The following GTPBP1 variants were observed in gnomAD, a reference collection of about 807,000 sequenced individuals.
GTPBP1 encodes GTP binding protein 1.
GTPBP1 carries 23 observed loss-of-function variants against 62.0 expected under a neutral mutation model. That is an observed-to-expected ratio of 0.37 (90% CI 0.27 to 0.53). The LOEUF (loss-of-function observed/expected upper bound fraction) is 0.53, where lower values mean the gene tolerates loss of function less well. Ranked by LOEUF, GTPBP1 falls within the 20% of genes least tolerant of loss-of-function variation. The probability of loss-of-function intolerance (pLI) is 0.89; values close to 1 mark genes in which losing one functional copy is unlikely to be tolerated. For synonymous variants in GTPBP1, 344 were observed against 364.4 expected, an observed-to-expected ratio of 0.94 and a Z score of 0.64; for missense variants, 640 against 917.3, an observed-to-expected ratio of 0.70 and a Z score of 3.90.
chr22:38,708,862 T>A lies in GTPBP1; in HGVS notation c.210T>A (p.Pro70=), dbSNP rs368031867. 1.9e-5 allele frequency: 30 copies of A among 1,606,176 alleles called. No homozygotes were observed. The highest frequency in any genetic ancestry group is 3.3e-5 in the Admixed American group (2 of 59,998). The part of the protein sequence containing the change: ...DLTSKLVLVS[P]TSEQYDSLLR... ...TTTTCTAGCTGGTTCTAGTGAGCCC[T>A]ACATCAGAGCAGTATGACAGCCTAC... is the stretch of plus-strand genomic sequence containing the variant. The change falls in exon 2 of 12, where the codon CCT becomes CCA. Residue 70 remains proline (P), a synonymous_variant. Transcript: ENST00000216044.
Position 38,726,661 on chromosome 22 carries a change from G to GTT in GTPBP1, c.1401+222_1401+223dup, listed in dbSNP as rs1352232997. 6.6e-6 allele frequency among the ~76,000 whole-genome samples: 1 copy of GTT among 152,172 alleles called. No individual in the cohort carries two copies. The highest frequency in any genetic ancestry group is 1.5e-5 in the Non-Finnish European group (1 of 68,018). On this transcript the variant is annotated intron_variant, in intron 8 of 11. Transcript: ENST00000216044. This position sits in a 1 kb window ranked among gnomAD's most constrained non-coding sequence, Gnocchi z 4.1. ...CGAGGAATGCCTCCTTCTAAGCTCC[G>GTT]TTCCTCCCTCTGGTGCCTGAGCAGG...
Position 38,708,891 on chromosome 22 carries a change from G to C in GTPBP1, c.239G>C (p.Arg80Pro), listed in dbSNP as rs199584543. ...TCAGAGCAGTATGACAGCCTACTTC[G>C]GCAGATGTGGGAGAGGATGGACGAG... The part of the protein sequence containing the change: ...PTSEQYDSLL[R>P]QMWERMDEGC... The change falls in exon 2 of 12, where the codon CGG (arginine) becomes CCG (proline). Residue 80 changes from arginine to proline, a missense_variant. Coordinates refer to ENST00000216044, the MANE Select transcript of GTPBP1 (RefSeq NM_004286.5). 1 of 1,612,522 alleles carries C rather than the reference G, an allele frequency of 6.2e-7. No homozygotes were observed. The highest frequency in any genetic ancestry group is 2.2e-5 in the East Asian group (1 of 44,876).
intron 5 of GTPBP1, chr22:38,722,824 G>C (rs2092707555): frequency 1.3e-6 from 2 of 1,580,602 alleles, no homozygotes; most frequent in Non-Finnish European, 1.7e-6. Flanking sequence ...CAGTTTGCTG[G>C]GCAGACTTCT....
At chr22:38,734,531 C>T, downstream of GTPBP1, 1 of 313,814 alleles carries the variant, frequency 3.2e-6, no homozygotes, top group Non-Finnish European at 6.5e-6. Context: ...CATGCCAGCC[C>T]TTGACCCACA....
Position 38,728,153 on chromosome 22 carries a change from A to G in GTPBP1, c.1708A>G (p.Ile570Val). The G allele has an allele frequency of 1.2e-6, 2 of 1,612,576 alleles. No homozygotes were observed. The highest frequency in any genetic ancestry group is 1.1e-5 in the South Asian group (1 of 91,018). ...REGRTKAVGT[I>V]TKLLQTTNNS... is the part of the protein sequence containing the mutation. ...AGGCCGCACCAAGGCTGTCGGCACCATCACCAAGGTATGGCCAGGACAGAC... is the reference window on the plus strand; with the variant it reads ...AGGCCGCACCAAGGCTGTCGGCACCGTCACCAAGGTATGGCCAGGACAGAC... The change falls in exon 10 of 12, where the codon ATC becomes GTC. Residue 570 changes from isoleucine to valine, a missense_variant. Coordinates refer to ENST00000216044, the MANE Select transcript of GTPBP1 (RefSeq NM_004286.5).
In GTPBP1 at chr22:38,724,418, C is replaced by G; in HGVS notation, c.1073+7C>G. The G allele has an allele frequency of 6.6e-7, 1 of 1,524,340 alleles. No homozygotes were observed. Among genetic ancestry groups the G allele is most frequent in the South Asian group, 1.1e-5 (1 of 89,414 alleles). 94.4% of individuals were successfully genotyped at this position (1,524,340 alleles called of 1,614,324 possible). Reference sequence around the variant, plus strand: ...CCAACTTCAGCTCTGAAAGGTAACGCGTGGGGAGCGCACACTTCAGACAGG... The same window carrying G: ...CCAACTTCAGCTCTGAAAGGTAACGGGTGGGGAGCGCACACTTCAGACAGG... On this transcript the variant is annotated splice_region_variant and intron_variant, in intron 6 of 11. Transcript: ENST00000216044.
In GTPBP1 at chr22:38,718,752, G is replaced by A. The variant is rs1026439374; in HGVS notation, c.834+1752G>A. 3.3e-5 allele frequency among the ~76,000 whole-genome samples: 5 copies of A among 152,272 alleles called. No homozygotes were observed. The East Asian group carries it at 9.7e-4, about 29-fold the overall frequency. ...TCAAATTTTCTTCTGGTTTAGTATGGTACAAAATTGTGAAAAGTTTCCTCC... is the reference window on the plus strand; with the variant it reads ...TCAAATTTTCTTCTGGTTTAGTATGATACAAAATTGTGAAAAGTTTCCTCC... On this transcript the variant is annotated intron_variant, in intron 4 of 11. Transcript: ENST00000216044.
chr22:38,722,965 G>A, intron 5 of GTPBP1: 1 of 889,612 alleles, frequency 1.1e-6, no homozygotes, highest in South Asian at 1.3e-5. Context: ...AGACCTCTTA[G>A]TGCAAGACCA....
At chr22:38,742,285 G>A (rs369773961), downstream of GTPBP1, 14 of 1,582,236 alleles carry the variant, frequency 8.8e-6, no homozygotes, top group East Asian at 9.0e-5. Context: ...CCACCCTGAG[G>A]TATTCCACCT....
At position 38,719,067 on chromosome 22, in the gene GTPBP1, G is replaced by T. The variant is rs146585334; in HGVS notation, c.834+2067G>T. Among the ~76,000 whole-genome samples the T allele has an allele frequency of 2.8e-3, 433 of 152,060 alleles. 3 individuals carry two copies. The highest frequency in any genetic ancestry group is 0.01 in the African/African-American group (420 of 41,462). ...TTCGCCCAGACTGGAGTGCAGTTGT[G>T]CAATCTCAGTTCACTTCAGCCTCCG... is the stretch of plus-strand genomic sequence containing the variant. On this transcript the variant is annotated intron_variant, in intron 4 of 11. Coordinates refer to ENST00000216044, the MANE Select transcript of GTPBP1 (RefSeq NM_004286.5).
chr22:38,729,964 A>G lies in GTPBP1; in HGVS notation c.1917+302A>G, dbSNP rs1751855050. Among the ~76,000 whole-genome samples the G allele has an allele frequency of 2.0e-5, 3 of 152,238 alleles. No homozygotes were observed. In the South Asian group the frequency reaches 6.2e-4, roughly 31 times the overall value. On this transcript the variant is annotated intron_variant, in intron 11 of 11. Coordinates refer to ENST00000216044, the MANE Select transcript of GTPBP1 (RefSeq NM_004286.5). ...CTTCCCTTTCATAGTAAGATTAAGT[A>G]TTGCAAGTATTGCTGGTGTGAGTGT... is the stretch of plus-strand genomic sequence containing the variant.
chr22:38,717,468 G>A (rs2092677128), intron 4 of GTPBP1, among the ~76,000 whole-genome samples: 1 of 152,188 alleles, frequency 6.6e-6, no homozygotes, highest in Non-Finnish European at 1.5e-5. Context: ...CCTGGAGCCT[G>A]GGAGGAGGAT....
downstream of GTPBP1, chr22:38,734,462 G>T (rs973611780): frequency 5.8e-6 from 2 of 342,310 alleles, no homozygotes; most frequent in Non-Finnish European, 1.2e-5. Flanking sequence ...CACTGCTCCC[G>T]CCCCACCCTT....
Position 38,730,756 on chromosome 22 carries a change from C to T in GTPBP1, c.*52C>T. 1 of 994,438 alleles carries T rather than the reference C, an allele frequency of 1.0e-6. No homozygotes were observed. Among genetic ancestry groups the T allele is most frequent in the Non-Finnish European group, 1.5e-6 (1 of 673,566 alleles). 61.6% of individuals were successfully genotyped at this position (994,438 alleles called of 1,614,324 possible). A position where few individuals can be genotyped will look rare whatever the true frequency, so the allele number is the denominator to read the frequency against. On this transcript the variant is annotated 3_prime_UTR_variant, in exon 12 of 12. Coordinates refer to ENST00000216044, the MANE Select transcript of GTPBP1 (RefSeq NM_004286.5). The surrounding 1 kb of genome is among the most constrained non-coding windows in gnomAD (Gnocchi z 5.6). ...CCAAGGGGTCATCATCTCTGGCCAC[C>T]ACTCCACCAGATGGGCAGAGCAGCT... is the stretch of plus-strand genomic sequence containing the variant.
chr22:38,734,029 CA>C, downstream of GTPBP1: 1 of 252,132 alleles, frequency 4.0e-6, no homozygotes, highest in Non-Finnish European at 8.0e-6. Flanking sequence ...AGCTGTCTCC[CA>C]AGAGGCTGAG....
At chr22:38,708,508 A>T (rs2092619331) in intron 1 of GTPBP1, among the ~76,000 whole-genome samples, 2 of 152,174 alleles carry the variant, frequency 1.3e-5, no homozygotes, top group Admixed American at 6.5e-5. Context: ...TGGCATGTAG[A>T]TGGAAAGCAC....
Position 38,716,246 on chromosome 22 carries a change from C to T in GTPBP1, c.485+159C>T. On this transcript the variant is annotated intron_variant, in intron 3 of 11. Transcript: ENST00000216044. The surrounding 1 kb of genome is among the most constrained non-coding windows in gnomAD (Gnocchi z 5.2). ...GTGGGCTCCTTGCTCTAATTCTGCA[C>T]TTCCCTGTCACTTTGGGAAGAGCAC... 1.5e-6 allele frequency: 1 copy of T among 645,446 alleles called. No homozygotes were observed. 40.0% of individuals were successfully genotyped at this position (645,446 alleles called of 1,614,324 possible). A position where few individuals can be genotyped will look rare whatever the true frequency, so the allele number is the denominator to read the frequency against.
chr22:38,724,034 G>A (rs189268984), intron 5 of GTPBP1, among the ~76,000 whole-genome samples: 40 of 152,264 alleles, frequency 2.6e-4, no homozygotes, highest in African/African-American at 8.4e-4. Context: ...ACAGGAGGCA[G>A]GTCGTCTAGA....
chr22:38,731,053 G>A lies in GTPBP1; in HGVS notation c.*349G>A. 1 of 136,570 alleles carries A rather than the reference G, an allele frequency of 7.3e-6. No homozygotes were observed. The highest frequency in any genetic ancestry group is 1.4e-5 in the Non-Finnish European group (1 of 70,336). 8.5% of individuals were successfully genotyped at this position (136,570 alleles called of 1,614,324 possible). On this transcript the variant is annotated 3_prime_UTR_variant, in exon 12 of 12. Transcript: ENST00000216044. ...GTGTGTGTGTGTGTGTGTGTGTGGT[G>A]CAGGAGTGCCACCCCCAGGGCCCTG... is the stretch of plus-strand genomic sequence containing the variant.
Sources: gnomAD v4.1 joint callset for allele counts (sites outside exome capture counted in the v4.1 genomes callset) on GRCh38, gnomAD v4.1.1 for gene constraint, Gnocchi (gnomAD v3.1) non-coding constraint, MANE v1.5 for transcripts, NCBI Gene and HGNC (gene_info 2026-07-23, HGNC 2026-07-21) for gene names.